Variants in FGF14 observed in about 807,000 individuals in gnomAD.
FGF14 encodes the protein fibroblast growth factor homologous factor 4.
In FGF14, 5 loss-of-function variants were observed where a neutral mutation model predicts 25.5. The ratio of observed to expected loss-of-function variants is 0.20; its 90% CI spans 0.10 to 0.41. The LOEUF (loss-of-function observed/expected upper bound fraction) is 0.41. Among genes scored for constraint, FGF14 ranks in the 10% least tolerant of loss-of-function variants. The probability of loss-of-function intolerance (pLI) is 1.00; values close to 1 mark genes in which losing one functional copy is unlikely to be tolerated. For missense variants in FGF14, 222 were observed against 320.1 expected, an observed-to-expected ratio of 0.69 and a Z score of 2.34; for synonymous variants, 138 against 118.3, an observed-to-expected ratio of 1.17 and a Z score of -1.08.
At chr13:101,887,937 A>T in intron 1 of FGF14, among the ~76,000 whole-genome samples, 1 of 152,212 alleles carries the variant, frequency 6.6e-6, no homozygotes. Context: ...ATTTTAATCC[A>T]GGTGGTTAGT....
At chr13:102,266,227 A>G (rs1330671737) in intron 1 of FGF14, among the ~76,000 whole-genome samples, 1 of 152,170 alleles carries the variant, frequency 6.6e-6, no homozygotes, top group African/African-American at 2.4e-5. Context: ...GGCTGACTAA[A>G]GGTGAATGAC....
At chr13:101,914,581 A>G (rs2033283566) in intron 1 of FGF14, among the ~76,000 whole-genome samples, 1 of 152,202 alleles carries the variant, frequency 6.6e-6, no homozygotes, top group Non-Finnish European at 1.5e-5. Context: ...ACGGACCATT[A>G]GAAAACTCAG....
chr13:101,967,030 A>G (rs1485683769), intron 1 of FGF14, among the ~76,000 whole-genome samples: 1 of 151,764 alleles, frequency 6.6e-6, no homozygotes, highest in Non-Finnish European at 1.5e-5. Flanking sequence ...AACATCCAGG[A>G]CTGACATAAT....
chr13:101,956,160 T>A (rs895549835), intron 1 of FGF14, among the ~76,000 whole-genome samples: 3 of 152,230 alleles, frequency 2.0e-5, no homozygotes, highest in Non-Finnish European at 4.4e-5. Flanking sequence ...GCATGAGGCA[T>A]GCTGCATGAA....
At chr13:102,144,711 C>T (rs1464169901) in intron 1 of FGF14, among the ~76,000 whole-genome samples, 1 of 152,030 alleles carries the variant, frequency 6.6e-6, no homozygotes, top group Non-Finnish European at 1.5e-5. Flanking sequence ...AACAGTTTTC[C>T]TTGCAATATT....
At chr13:102,276,351 GTGTATATATA>G (rs1474011924) in intron 1 of FGF14, among the ~76,000 whole-genome samples, 2 of 41,652 alleles carry the variant, frequency 4.8e-5, no homozygotes, top group South Asian at 8.1e-4. Context: ...GTGTGTGTGT[GTGTATATATA>G]TATATATATA....
chr13:102,161,570 A>AAAGAAGAAAGAAGAAGAAGAAAGAAGAAG (rs1555369389), intron 1 of FGF14, among the ~76,000 whole-genome samples: 2 of 5,652 alleles, frequency 3.5e-4, no homozygotes, highest in Non-Finnish European at 2.4e-4. Context: ...TTCTGTGAAG[A>AAAGAAGAAAGAAGAAGAAGAAAGAAGAAG]AAGAAAGAAG....
intron 1 of FGF14, among the ~76,000 whole-genome samples, chr13:102,144,898 A>G (rs1284097873): frequency 6.6e-6 from 1 of 152,214 alleles, no homozygotes; most frequent in Non-Finnish European, 1.5e-5. Flanking sequence ...GAAAAGGTAA[A>G]TCATTTTAAA....
chr13:102,328,459 A>G (rs1317426826), intron 1 of FGF14, among the ~76,000 whole-genome samples: 3 of 152,070 alleles, frequency 2.0e-5, no homozygotes, highest in East Asian at 3.9e-4. Flanking sequence ...TACCTCCTCT[A>G]TTTTCCCACA....
chr13:102,247,471 A>G (rs2051936194), intron 1 of FGF14, among the ~76,000 whole-genome samples: 1 of 152,204 alleles, frequency 6.6e-6, no homozygotes, highest in Non-Finnish European at 1.5e-5. Context: ...CATGAGGCCA[A>G]CAAGCCTATG....
intron 1 of FGF14, among the ~76,000 whole-genome samples, chr13:102,191,795 A>G (rs2049133536): frequency 6.6e-6 from 1 of 152,190 alleles, no homozygotes; most frequent in East Asian, 1.9e-4. Flanking sequence ...CAAAATCAAA[A>G]TTATTCTCCA....
At chr13:102,280,925 C>G (rs1488989699) in intron 1 of FGF14, among the ~76,000 whole-genome samples, 1 of 152,108 alleles carries the variant, frequency 6.6e-6, no homozygotes, top group African/African-American at 2.4e-5. Context: ...TTCAAGGGAA[C>G]CTAACATCAT....
At position 102,034,435 on chromosome 13, in the gene FGF14, G is replaced by A. The variant is rs145804751; in HGVS notation, c.209-159139C>T. The stretch of plus-strand genomic sequence containing the variant: ...TAGGCCAACAGAGAGGATGACAGTG[G>A]CAGCATCGGTCGCTGCCATCTAAAC... On this transcript the variant is annotated intron_variant, in intron 1 of 4. Coordinates refer to the FGF14 transcript ENST00000376131. Among the ~76,000 whole-genome samples the A allele has an allele frequency of 7.0e-4, 106 of 152,252 alleles. 1 individual carries two copies. In the East Asian group the frequency reaches 0.017, roughly 25 times the overall value.
intron 3 of FGF14, among the ~76,000 whole-genome samples, chr13:101,868,219 T>A (rs939699559): frequency 6.6e-6 from 1 of 152,124 alleles, no homozygotes; most frequent in South Asian, 2.1e-4. Context: ...GAAGAGGTCA[T>A]ATGGCTAGAA....
chr13:101,898,411 T>A (rs971702548), intron 1 of FGF14, among the ~76,000 whole-genome samples: 1 of 150,474 alleles, frequency 6.6e-6, no homozygotes, highest in Non-Finnish European at 1.5e-5. Context: ...GAAATACCCA[T>A]CTCCGTCACA....
At chr13:102,060,235 A>G (rs2042619641) in intron 1 of FGF14, among the ~76,000 whole-genome samples, 3 of 152,136 alleles carry the variant, frequency 2.0e-5, no homozygotes, top group Admixed American at 2.0e-4. Context: ...CTGTAAAGAA[A>G]TAAATCTGGG....
chr13:101,944,005 AAAAAAAAAACAAAAAAAAAACATGGT>A (rs1304523691), intron 1 of FGF14, among the ~76,000 whole-genome samples: 2 of 132,002 alleles, frequency 1.5e-5, no homozygotes, highest in African/African-American at 7.6e-5. Flanking sequence ...TCTCAAAAAA[AAAAAAAAAACAAAAAAAAAACATGGT>A]AAAAAACAAA....
chr13:101,999,644 C>G (rs1039728440), intron 1 of FGF14, among the ~76,000 whole-genome samples: 2 of 152,160 alleles, frequency 1.3e-5, no homozygotes, highest in Non-Finnish European at 2.9e-5. Flanking sequence ...ATGCACTTAA[C>G]TATTCTTCAT....
At chr13:102,206,567 G>A (rs1468546093) in intron 1 of FGF14, among the ~76,000 whole-genome samples, 4 of 151,830 alleles carry the variant, frequency 2.6e-5, no homozygotes, top group Admixed American at 2.6e-4. Context: ...TGTACTCCCA[G>A]CTACTCAGTA....
Sources: gnomAD v4.1 joint callset for allele counts (sites outside exome capture counted in the v4.1 genomes callset) on GRCh38, gnomAD v4.1.1 for gene constraint, MANE v1.5 for transcripts, NCBI Gene and HGNC (gene_info 2026-07-23, HGNC 2026-07-21) for gene names.